TLCD3A: variants seen among roughly 807,000 people sequenced by gnomAD.
TLCD3A encodes TLC domain containing 3A, also known as TLC domain-containing protein 3A.
In TLCD3A, 17 loss-of-function variants were observed where a neutral mutation model predicts 29.9. The ratio of observed to expected loss-of-function variants is 0.57; its 90% CI spans 0.39 to 0.85. TLCD3A has a LOEUF of 0.85. TLCD3A is among the 40% of genes least tolerant of loss of function. TLCD3A has a pLI of 0.00. For synonymous variants in TLCD3A, 143 were observed against 147.7 expected (o/e 0.97, Z 0.23); for missense variants, 332 against 350.8 (o/e 0.95, Z 0.43).
chr17:739,018 T>C (rs1486014460), intron 3 of TLCD3A, among the ~76,000 whole-genome samples: 1 of 152,268 alleles, frequency 6.6e-6, no homozygotes, highest in East Asian at 1.9e-4. Flanking sequence ...GTGTGGATTA[T>C]TCTTAGGTCA....
chr17:733,823 TC>T (rs1298627085), intron 2 of TLCD3A, among the ~76,000 whole-genome samples: 4 of 152,130 alleles, frequency 2.6e-5, no homozygotes, highest in Non-Finnish European at 4.4e-5. Flanking sequence ...GCCTTTTTTT[TC>T]CCCACCGGTC....
chr17:737,370 G>A (rs1369826282), intron 2 of TLCD3A, among the ~76,000 whole-genome samples: 1 of 152,076 alleles, frequency 6.6e-6, no homozygotes, highest in African/African-American at 2.4e-5. Context: ...CATAGAGTGG[G>A]GTTGCATGCA....
chr17:738,891 C>T (rs540078181), intron 3 of TLCD3A, among the ~76,000 whole-genome samples: 1 of 152,224 alleles, frequency 6.6e-6, no homozygotes, highest in South Asian at 2.1e-4. Context: ...AACAAACCCC[C>T]AGCGCTCTGT....
At position 740,567 on chromosome 17, in the gene TLCD3A, T is replaced by G. The variant is rs772714466; in HGVS notation, c.471T>G (p.Thr157=). ...GCATCTTCACGGCAGAACTGAGCAC[T>G]CCGTTTGTGTCGCTGGGCAGGGTTC... The part of the protein sequence containing the change: ...VGCIFTAELS[T]PFVSLGRVLI... Residue 157 remains threonine, a synonymous_variant, in exon 4 of 5, where the codon ACT becomes ACG. Transcript: ENST00000308278. 6.2e-7 allele frequency: 1 copy of G among 1,614,072 alleles called. No homozygotes were observed. Among genetic ancestry groups the G allele is most frequent in the East Asian group, 2.2e-5 (1 of 44,884 alleles).
chr17:733,326 C>G (rs570062439), intron 2 of TLCD3A, 145 bp downstream of exon 2: 26 of 734,166 alleles, frequency 3.5e-5, no homozygotes, highest in Middle Eastern at 6.6e-4. Flanking sequence ...CCGGAGTCTT[C>G]GGGCACCCCC....
intron 2 of TLCD3A, among the ~76,000 whole-genome samples, chr17:733,960 G>C (rs986179676): frequency 2.0e-5 from 3 of 152,204 alleles, no homozygotes; most frequent in African/African-American, 7.2e-5. Context: ...CACCTGCTGA[G>C]ACTGAACTGC....
intron 3 of TLCD3A, 55 bp downstream of exon 3, chr17:738,102 T>TTTTTTTTTC (rs1232235534): frequency 1.5e-6 from 2 of 1,297,452 alleles, no homozygotes; most frequent in Non-Finnish European, 2.1e-6. Context: ...GTGTCTTTTT[T>TTTTTTTTTC]TTTTTTTTTT....
At chr17:736,641 CT>C (rs1974158255) in intron 2 of TLCD3A, among the ~76,000 whole-genome samples, 1 of 152,126 alleles carries the variant, frequency 6.6e-6, no homozygotes, top group Non-Finnish European at 1.5e-5. Flanking sequence ...ATTTCCAGAC[CT>C]GCTTTTTTTT....
intron 2 of TLCD3A, among the ~76,000 whole-genome samples, chr17:737,153 A>G (rs1160267002): frequency 6.6e-6 from 1 of 152,110 alleles, no homozygotes; most frequent in African/African-American, 2.4e-5. Context: ...CTGGGACTAC[A>G]GGTGTGCGCC....
chr17:732,839 C>T, intron 1 of TLCD3A, 70 bp downstream of exon 1: 2 of 1,377,482 alleles, frequency 1.5e-6, no homozygotes, highest in Non-Finnish European at 1.9e-6. Context: ...GGCCGCGGGG[C>T]CCAGGGCGGA....
At chr17:736,893 AT>A (rs1974162644) in intron 2 of TLCD3A, among the ~76,000 whole-genome samples, 1 of 152,072 alleles carries the variant, frequency 6.6e-6, no homozygotes, top group South Asian at 2.1e-4. Context: ...TGACCTTGTG[AT>A]TCACCTGCCT....
In TLCD3A at chr17:737,952, G is replaced by A. The variant is rs921488026; in HGVS notation, c.313G>A (p.Ala105Thr). ...EWCRTRDQNR[A>T]PSLTLRNFLS... ...GTGCCGAACCAGAGACCAGAACCGT[G>A]CGCCCTCCCTCACTCTTCGAAACTT... Residue 105 changes from alanine (A) to threonine (T), a missense_variant, in exon 3 of 5, where the codon GCG (alanine) becomes ACG (threonine). Ala to Thr is a moderately conservative substitution (Grantham distance 58). Coordinates refer to ENST00000308278, the MANE Select transcript of TLCD3A (RefSeq NM_024792.3). 5 of 1,614,024 alleles carry A rather than the reference G, an allele frequency of 3.1e-6. No homozygotes were observed. Among genetic ancestry groups the A allele is most frequent in the Non-Finnish European group, 4.2e-6 (5 of 1,180,018 alleles).
intron 2 of TLCD3A, among the ~76,000 whole-genome samples, chr17:734,388 G>A (rs1974123391): frequency 6.6e-6 from 1 of 151,484 alleles, no homozygotes; most frequent in African/African-American, 2.4e-5. Flanking sequence ...ACAGCTGACT[G>A]TAGTCTTGAA....
At chr17:741,128 TCTC>T (rs1239879481) in intron 4 of TLCD3A, among the ~76,000 whole-genome samples, 170 bp from the exon 5 acceptor site, 1 of 152,190 alleles carries the variant, frequency 6.6e-6, no homozygotes, top group Non-Finnish European at 1.5e-5. Context: ...AAGAATGTCT[TCTC>T]CAAGTGTTAG....
At position 740,563 on chromosome 17, in the gene TLCD3A, G is replaced by A. The variant is rs1974234191; in HGVS notation, c.467G>A (p.Ser156Asn). 2.5e-6 allele frequency: 4 copies of A among 1,613,974 alleles called. No individual in the cohort carries two copies. The highest frequency in any genetic ancestry group is 3.4e-6 in the Non-Finnish European group (4 of 1,179,998). Residue 156 changes from serine (S) to asparagine (N), a missense_variant, in exon 4 of 5, where the codon AGC becomes AAC. By Grantham distance (46) the Ser-to-Asn change is conservative (BLOSUM62 1). Coordinates refer to ENST00000308278, the MANE Select transcript of TLCD3A (RefSeq NM_024792.3). ...FVGCIFTAELSTPFVSLGRVL... is the reference protein window; with the variant it reads ...FVGCIFTAELNTPFVSLGRVL... Reference sequence around the variant, plus strand: ...GGCTGCATCTTCACGGCAGAACTGAGCACTCCGTTTGTGTCGCTGGGCAGG... The same window carrying A: ...GGCTGCATCTTCACGGCAGAACTGAACACTCCGTTTGTGTCGCTGGGCAGG...
At chr17:736,603 T>C (rs2244311) in intron 2 of TLCD3A, among the ~76,000 whole-genome samples, 131,947 of 152,218 alleles carry the variant, frequency 0.87, 57,464 homozygotes, top group African/African-American at 0.95. Flanking sequence ...ACCTAACCGC[T>C]GTAATGTGGC....
rs769289707 is a variant in TLCD3A at position 732,858 on chromosome 17, G to A, written c.122+89G>A. On this transcript the variant is annotated intron_variant, in intron 1 of 4. Coordinates refer to ENST00000308278, the MANE Select transcript of TLCD3A (RefSeq NM_024792.3). ...GCGGGGCCCAGGGCGGAAAAGGGGGGCGGCAGGAAGCCCGGGGGCTGCTCC... is the reference window on the plus strand; with the variant it reads ...GCGGGGCCCAGGGCGGAAAAGGGGGACGGCAGGAAGCCCGGGGGCTGCTCC... The A allele has an allele frequency of 9.6e-5, 131 of 1,366,232 alleles. 2 individuals are homozygous for A. The South Asian group carries it at 2.0e-3, about 21-fold the overall frequency. The allele number at this position is 1,366,232 out of a possible 1,614,324, so 84.6% of individuals were successfully genotyped here.
At chr17:737,268 T>C (rs1236765081) in intron 2 of TLCD3A, among the ~76,000 whole-genome samples, 1 of 152,114 alleles carries the variant, frequency 6.6e-6, no homozygotes, top group Non-Finnish European at 1.5e-5. Flanking sequence ...CGCCTCAGCC[T>C]CCCAAAGTGC....
chr17:736,591 G>A (rs1974156880), intron 2 of TLCD3A, among the ~76,000 whole-genome samples: 1 of 152,080 alleles, frequency 6.6e-6, no homozygotes, highest in South Asian at 2.1e-4. Flanking sequence ...CTCTCTCCTG[G>A]TACCTAACCG....
Sources: allele counts gnomAD v4.1 joint callset (sites outside exome capture counted in the v4.1 genomes callset), GRCh38; gene constraint gnomAD v4.1.1; transcripts MANE v1.5; gene names NCBI Gene and HGNC (gene_info 2026-07-23, HGNC 2026-07-21).